DNAH6: variants seen among roughly 807,000 people sequenced by gnomAD.
DNAH6 encodes the protein axonemal beta dynein heavy chain 6.
A neutral mutation model predicts 491.4 loss-of-function variants in DNAH6; 340 were observed. The observed-to-expected ratio is 0.69, with a 90% CI of 0.63 to 0.76. DNAH6 has a LOEUF of 0.76. DNAH6 is among the 30% of genes least tolerant of loss of function. The pLI, the probability that DNAH6 is intolerant of heterozygous loss-of-function variation, is 0.00. For synonymous variants in DNAH6, 1,603 were observed against 1,686.1 expected, an observed-to-expected ratio of 0.95 and a Z score of 1.21; for missense variants, 4,443 against 4,972.2, an observed-to-expected ratio of 0.89 and a Z score of 3.20.
chr2:84,500,300 G>T, the DNAH6 span, among the ~76,000 whole-genome samples: 3 of 152,096 alleles, frequency 2.0e-5, no homozygotes, highest in African/African-American at 2.4e-5. Context: ...TCTTTCCCCA[G>T]TGTATGTTCT....
chr2:84,806,667 A>C (rs1170470522), intron 71 of DNAH6, among the ~76,000 whole-genome samples: 2 of 151,268 alleles, frequency 1.3e-5, no homozygotes, highest in African/African-American at 4.9e-5. Context: ...ATCACAAGAG[A>C]TCTATTTTAA....
chr2:84,605,479 A>G (rs1685673679), intron 19 of DNAH6, 21 bp from the exon 20 acceptor site: 4 of 1,515,874 alleles, frequency 2.6e-6, no homozygotes, highest in African/African-American at 1.4e-5. Flanking sequence ...TAGATATCCT[A>G]AGGCTTGAAT....
chr2:84,527,658 T>A (rs1023889392), intron 3 of DNAH6, among the ~76,000 whole-genome samples: 6 of 152,200 alleles, frequency 3.9e-5, no homozygotes, highest in Admixed American at 2.0e-4. Context: ...CTGCCATCCC[T>A]GGCCAAGAAG....
intron 29 of DNAH6, among the ~76,000 whole-genome samples, chr2:84,627,825 G>A (rs982721813): frequency 6.6e-6 from 1 of 151,910 alleles, no homozygotes. Flanking sequence ...CTTGCTTGTT[G>A]CTAATTTTCT....
intron 70 of DNAH6, among the ~76,000 whole-genome samples, chr2:84,799,646 C>CAGGGGAT (rs1479546970): frequency 2.6e-5 from 4 of 152,258 alleles, no homozygotes; most frequent in African/African-American, 9.6e-5. Context: ...TTGGCAAGCA[C>CAGGGGAT]AGGGGATAGG....
chr2:84,513,539 A>G (rs536223716), upstream of DNAH6, among the ~76,000 whole-genome samples: 1 of 152,292 alleles, frequency 6.6e-6, no homozygotes, highest in East Asian at 1.9e-4. Context: ...ATTATCCTTG[A>G]ACATTTCATA....
Position 84,797,572 on chromosome 2 carries a change from G to A in DNAH6, c.11395G>A (p.Glu3799Lys), listed in dbSNP as rs574595550. 7.5e-5 allele frequency: 117 copies of A among 1,551,792 alleles called. 3 individuals are homozygous for A. In the Middle Eastern group the frequency reaches 8.2e-3, roughly 108 times the overall value. Residue 3799 changes from glutamate (E) to lysine (K), a missense_variant, in exon 70 of 77, where the codon GAG becomes AAG. Around this residue, in one of 3 missense-constraint regions of DNAH6, gnomAD observed 1,463 missense variants for 1,656.6 expected, o/e 0.88. Transcript: ENST00000389394. ...YFAPMADSLQ[E>K]FKDYIENLPL... ...TGCACCCATGGCTGACAGCCTACAA[G>A]AGTTTAAGGACTACATTGAAAATCT...
the DNAH6 span, among the ~76,000 whole-genome samples, chr2:84,502,812 C>T: frequency 6.6e-6 from 1 of 152,108 alleles, no homozygotes; most frequent in Non-Finnish European, 1.5e-5. Context: ...AGTATAGCAA[C>T]TGCTGCTCTT....
chr2:84,756,968 C>T (rs1302710924), intron 63 of DNAH6, among the ~76,000 whole-genome samples: 1 of 152,132 alleles, frequency 6.6e-6, no homozygotes, highest in East Asian at 1.9e-4. Context: ...GAGAGGAGCT[C>T]CTAGCAAAGA....
chr2:84,755,965 C>T (rs184056159), intron 63 of DNAH6, among the ~76,000 whole-genome samples: 54 of 152,260 alleles, frequency 3.5e-4, no homozygotes, highest in African/African-American at 1.3e-3. Context: ...AGTTCCCCTG[C>T]GCAAGCATTC....
chr2:84,677,186 G>T, intron 41 of DNAH6, 50 bp downstream of exon 41: 2 of 1,548,618 alleles, frequency 1.3e-6, no homozygotes, highest in Non-Finnish European at 8.7e-7. Flanking sequence ...AAGCATATTT[G>T]TTCCAAGGCT....
At chr2:84,518,149 A>C in intron 2 of DNAH6, 98 bp downstream of exon 2, 1 of 847,920 alleles carries the variant, frequency 1.2e-6, no homozygotes, top group Non-Finnish European at 1.8e-6. Flanking sequence ...TGAACTGACA[A>C]AGAAGGAATG....
intron 35 of DNAH6, among the ~76,000 whole-genome samples, chr2:84,655,772 G>A (rs1474080276): frequency 6.6e-6 from 1 of 151,962 alleles, no homozygotes; most frequent in African/African-American, 2.4e-5. Context: ...AAACAGTTTC[G>A]CCTATTATTA....
intron 18 of DNAH6, among the ~76,000 whole-genome samples, chr2:84,596,594 G>A (rs1382116458): frequency 1.3e-5 from 2 of 151,884 alleles, no homozygotes; most frequent in Non-Finnish European, 2.9e-5. Context: ...GCCTCCCAAA[G>A]TGCTGGGATT....
In DNAH6 at chr2:84,653,694, A is replaced by C; in HGVS notation, c.5454A>C (p.Ala1818=). The C allele has an allele frequency of 6.4e-7, 1 of 1,551,328 alleles. No homozygotes were observed. ...LTLEWKDGLM[A]LSVRAAVNDT... ...TGGAATGGAAAGATGGTTTGATGGC[A>C]CTAAGTGTCCGAGCAGCTGTGAATG... Residue 1818 remains alanine, a synonymous_variant, in exon 34 of 77, where the codon GCA becomes GCC. Transcript: ENST00000389394.
At chr2:84,522,272 GC>G (rs928845328) in intron 2 of DNAH6, among the ~76,000 whole-genome samples, 11 of 151,930 alleles carry the variant, frequency 7.2e-5, no homozygotes. Flanking sequence ...TTGGCTCTTG[GC>G]TTGACTGCTG....
chr2:84,485,563 A>G, the DNAH6 span, among the ~76,000 whole-genome samples: 5 of 152,100 alleles, frequency 3.3e-5, no homozygotes, highest in Non-Finnish European at 7.4e-5. Context: ...GGTGGAACCT[A>G]TAGAGGGGCA....
At chr2:84,475,767 G>A in the DNAH6 span, among the ~76,000 whole-genome samples, 9 of 152,106 alleles carry the variant, frequency 5.9e-5, no homozygotes, top group African/African-American at 1.2e-4. Context: ...TATCAGTTAC[G>A]GCTTTATACA....
chr2:84,641,141 C>G (rs1045296034), intron 32 of DNAH6, among the ~76,000 whole-genome samples: 4 of 152,076 alleles, frequency 2.6e-5, no homozygotes, highest in African/African-American at 9.7e-5. Context: ...TTTATAACTT[C>G]TTGAAACTAC....
Sources: allele counts gnomAD v4.1 joint callset (sites outside exome capture counted in the v4.1 genomes callset), GRCh38; gene constraint gnomAD v4.1.1; regional missense constraint gnomAD v4.1.1; transcripts MANE v1.5; gene names NCBI Gene and HGNC (gene_info 2026-07-23, HGNC 2026-07-21).